The following MAP2K4 variants were observed in gnomAD, a reference collection of about 807,000 sequenced individuals.
MAP2K4 encodes dual specificity mitogen-activated protein kinase kinase 4.
A neutral mutation model predicts 48.5 loss-of-function variants in MAP2K4; 4 were observed. That is an observed-to-expected ratio of 0.08 (90% CI 0.04 to 0.19). The LOEUF is 0.19. Ranked by LOEUF, MAP2K4 falls within the 10% of genes least tolerant of loss-of-function variation. The pLI is 1.00. For missense variants in MAP2K4, 258 were observed against 493.3 expected (o/e 0.52, Z 4.52); for synonymous variants, 166 against 173.1 (o/e 0.96, Z 0.32).
chr17:12,021,823 T>A (rs1969081064), intron 1 of MAP2K4, among the ~76,000 whole-genome samples: 1 of 152,000 alleles, frequency 6.6e-6, no homozygotes, highest in Non-Finnish European at 1.5e-5. Flanking sequence ...TACTGTAGTG[T>A]CTGGACATTT....
chr17:12,055,564 C>T (rs909682662), intron 2 of MAP2K4, among the ~76,000 whole-genome samples: 1 of 151,830 alleles, frequency 6.6e-6, no homozygotes, highest in Admixed American at 6.6e-5. Flanking sequence ...GAGCTAGTTT[C>T]GATGTTGAGA....
chr17:12,048,303 G>A (rs922247199), intron 1 of MAP2K4, among the ~76,000 whole-genome samples: 13 of 152,158 alleles, frequency 8.5e-5, no homozygotes, highest in Non-Finnish European at 1.5e-4. Context: ...TGCACTTGTT[G>A]TTGTGTAAAT....
At chr17:12,117,480 C>T (rs1972540436) in intron 7 of MAP2K4, among the ~76,000 whole-genome samples, 1 of 152,066 alleles carries the variant, frequency 6.6e-6, no homozygotes, top group African/African-American at 2.4e-5. Flanking sequence ...AGATTTTCCC[C>T]ACATAAGCAT....
At chr17:12,080,696 G>C (rs1237044459) in intron 2 of MAP2K4, among the ~76,000 whole-genome samples, 2 of 152,158 alleles carry the variant, frequency 1.3e-5, no homozygotes, top group South Asian at 2.1e-4. Context: ...TCCCACCTCA[G>C]GATGGTATTA....
intron 3 of MAP2K4, among the ~76,000 whole-genome samples, chr17:12,094,868 C>G (rs950433549): frequency 2.0e-5 from 3 of 152,122 alleles, no homozygotes; most frequent in African/African-American, 7.2e-5. Context: ...CAAAAAGAGC[C>G]CTCTGTTTCC....
At chr17:12,133,092 T>C (rs1379089699) in intron 9 of MAP2K4, among the ~76,000 whole-genome samples, 3 of 152,186 alleles carry the variant, frequency 2.0e-5, no homozygotes, top group Non-Finnish European at 4.4e-5. Flanking sequence ...GTTGTTGTTG[T>C]TGTTTTTAAT....
At chr17:12,140,384 A>C (rs1011515561) in intron 10 of MAP2K4, among the ~76,000 whole-genome samples, 2 of 152,194 alleles carry the variant, frequency 1.3e-5, no homozygotes, top group African/African-American at 4.8e-5. Context: ...TAATGTGGGA[A>C]TATTTTAAGA....
At chr17:12,093,273 A>T (rs1200438231) in intron 3 of MAP2K4, among the ~76,000 whole-genome samples, 2 of 152,196 alleles carry the variant, frequency 1.3e-5, no homozygotes, top group Admixed American at 6.5e-5. Context: ...GCCAGTGCTG[A>T]TGATCTCAAA....
At position 12,141,814 on chromosome 17, in the gene MAP2K4, T is replaced by G. The variant is rs188410287; in HGVS notation, c.*554T>G. The G allele has an allele frequency of 1.3e-5, 3 of 233,926 alleles. No homozygotes were observed. Among genetic ancestry groups the G allele is most frequent in the Non-Finnish European group, 1.7e-5 (2 of 118,338 alleles). 14.5% of individuals were successfully genotyped at this position (233,926 alleles called of 1,614,324 possible). On this transcript the variant is annotated 3_prime_UTR_variant, in exon 11 of 11. Coordinates refer to ENST00000353533, the MANE Select transcript of MAP2K4 (RefSeq NM_003010.4). The stretch of plus-strand genomic sequence containing the variant: ...ATATTCTGTTGCTTTACAGTTACAG[T>G]TGATGTTTGGGGATCGATGTGCTCA...
chr17:12,021,490 C>G (rs971639373), intron 1 of MAP2K4: 20 of 152,018 alleles, frequency 1.3e-4, no homozygotes, highest in African/African-American at 4.8e-4. Context: ...GGGCCCCGCT[C>G]AGGGCCATCT....
rs79585043 is a variant in MAP2K4, at chr17:12,062,381, G to A, written c.218+7390G>A. Among the ~76,000 whole-genome samples, 1,032 of 152,204 alleles carry A rather than the reference G, an allele frequency of 6.8e-3. 15 individuals are homozygous for A. Among genetic ancestry groups the A allele is most frequent in the African/African-American group, 0.024 (997 of 41,534 alleles). ...GACAGGATCTTGCTCTGTTGCCCTG[G>A]CTGGAGTAAATGGTGCTATCATAGC... On this transcript the variant is annotated intron_variant, in intron 2 of 10. Coordinates refer to ENST00000353533, the MANE Select transcript of MAP2K4 (RefSeq NM_003010.4).
At chr17:12,128,200 C>T (rs907373439) in intron 8 of MAP2K4, among the ~76,000 whole-genome samples, 4 of 152,180 alleles carry the variant, frequency 2.6e-5, no homozygotes, top group African/African-American at 7.2e-5. Context: ...GCCTCAGCCT[C>T]CTGAATAGCT....
intron 2 of MAP2K4, among the ~76,000 whole-genome samples, chr17:12,072,956 T>G (rs181004011): frequency 6.6e-6 from 1 of 152,340 alleles, no homozygotes; most frequent in African/African-American, 2.4e-5. Flanking sequence ...ACTCTTGGTT[T>G]TTAATTTGCT....
rs2151548618 is a variant in MAP2K4, at chr17:12,081,341, C to T, written c.219-15C>T. On this transcript the variant is annotated splice_polypyrimidine_tract_variant and intron_variant, in intron 2 of 10. Coordinates refer to ENST00000353533, the MANE Select transcript of MAP2K4 (RefSeq NM_003010.4). The surrounding 1 kb of genome is among the most constrained non-coding windows in gnomAD (Gnocchi z 4.2). ...ATTTAAAATGTGGAAAAATTGCTTC[C>T]CAATATTTTAACAGAGAGAGACTGA... 4 of 1,578,738 alleles carry T rather than the reference C, an allele frequency of 2.5e-6. No individual in the cohort carries two copies. The South Asian group carries it at 3.6e-5, about 14-fold the overall frequency.
At chr17:12,062,544 C>T (rs973270538) in intron 2 of MAP2K4, among the ~76,000 whole-genome samples, 1 of 151,990 alleles carries the variant, frequency 6.6e-6, no homozygotes, top group African/African-American at 2.4e-5. Context: ...GCTATGTTGC[C>T]CAGGATGGTC....
chr17:12,121,112 G>A (rs1443646100), intron 7 of MAP2K4, among the ~76,000 whole-genome samples: 1 of 152,202 alleles, frequency 6.6e-6, no homozygotes, highest in Non-Finnish European at 1.5e-5. Context: ...GGCTGAGATA[G>A]TGACACTTTT....
At chr17:12,132,609 G>C (rs1315730726) in intron 9 of MAP2K4, among the ~76,000 whole-genome samples, 1 of 148,260 alleles carries the variant, frequency 6.7e-6, no homozygotes, top group African/African-American at 2.5e-5. Flanking sequence ...GTTTTCCTAA[G>C]GAAAAAAAAA....
rs746483060 is a variant in MAP2K4 at position 12,074,073 on chromosome 17, CTTG to C, written c.219-7278_219-7276del. 3.3e-5 allele frequency among the ~76,000 whole-genome samples: 5 copies of C among 152,130 alleles called. No individual in the cohort carries two copies. In the Middle Eastern group the frequency reaches 0.01, roughly 310 times the overall value. The stretch of plus-strand genomic sequence containing the variant: ...AGGTGTGAGCCACTGTGCCTGGCCT[CTTG>C]TTGTAGTTTTTGTGTTTAGACATTT... On this transcript the variant is annotated intron_variant, in intron 2 of 10. Transcript: ENST00000353533.
intron 3 of MAP2K4, among the ~76,000 whole-genome samples, chr17:12,087,464 A>T (rs2151554048): frequency 6.6e-6 from 1 of 152,248 alleles, no homozygotes; most frequent in South Asian, 2.1e-4. Context: ...TTGTTCCATT[A>T]ACTTGGTCCT....
Sources: gnomAD v4.1 joint callset for allele counts (sites outside exome capture counted in the v4.1 genomes callset) on GRCh38, gnomAD v4.1.1 for gene constraint, Gnocchi (gnomAD v3.1) non-coding constraint, MANE v1.5 for transcripts, NCBI Gene and HGNC (gene_info 2026-07-23, HGNC 2026-07-21) for gene names.